The following LYN variants were observed in gnomAD, a reference collection of about 807,000 sequenced individuals.
LYN encodes tyrosine-protein kinase Lyn.
In LYN, 12 loss-of-function variants were observed where a neutral mutation model predicts 65.0. The observed-to-expected ratio is 0.18, with a 90% CI of 0.12 to 0.30. LYN has a LOEUF of 0.30. Ranked by LOEUF, LYN falls within the 10% of genes least tolerant of loss-of-function variation. LYN has a pLI of 1.00. For synonymous variants in LYN, 222 were observed against 221.2 expected, an observed-to-expected ratio of 1.00 and a Z score of -0.03; for missense variants, 380 against 623.2, an observed-to-expected ratio of 0.61 and a Z score of 4.16.
intron 1 of LYN, among the ~76,000 whole-genome samples, chr8:55,906,511 C>T (rs2130393379): frequency 6.6e-6 from 1 of 152,162 alleles, no homozygotes; most frequent in South Asian, 2.1e-4. Flanking sequence ...TGCCCACCAC[C>T]ACGCCCAGCT....
intron 7 of LYN, 95 bp from the exon 8 acceptor site, chr8:55,953,737 G>C: frequency 9.3e-7 from 1 of 1,078,722 alleles, no homozygotes; most frequent in Non-Finnish European, 1.3e-6. Flanking sequence ...CGGCAGGTTG[G>C]ACACTATAAG....
At chr8:55,977,951 G>A (rs773608708) in intron 10 of LYN, among the ~76,000 whole-genome samples, 1 of 151,970 alleles carries the variant, frequency 6.6e-6, no homozygotes, top group African/African-American at 2.4e-5. Context: ...AACAGAGCTC[G>A]TCTCTAAAGG....
intron 12 of LYN, among the ~76,000 whole-genome samples, chr8:56,002,395 G>C (rs1477331225): frequency 6.6e-6 from 1 of 151,524 alleles, no homozygotes; most frequent in Non-Finnish European, 1.5e-5. Context: ...ATCCAGCCTG[G>C]GTGACAGAGC....
intron 10 of LYN, among the ~76,000 whole-genome samples, chr8:55,979,770 A>G (rs1048064043): frequency 1.3e-5 from 2 of 152,096 alleles, no homozygotes; most frequent in Non-Finnish European, 2.9e-5. Flanking sequence ...GCTCCTTGGT[A>G]TGGTTTCTAA....
At chr8:55,972,045 C>T (rs911789465) in intron 10 of LYN, among the ~76,000 whole-genome samples, 2 of 152,150 alleles carry the variant, frequency 1.3e-5, no homozygotes, top group African/African-American at 2.4e-5. Flanking sequence ...GGTCTCCATC[C>T]AAGCCAGTTT....
At chr8:55,933,167 A>G (rs1162547751) in intron 1 of LYN, among the ~76,000 whole-genome samples, 1 of 152,266 alleles carries the variant, frequency 6.6e-6, no homozygotes, top group Non-Finnish European at 1.5e-5. Flanking sequence ...CTATGAAAGC[A>G]CCACAACTAA....
At chr8:55,966,639 A>G (rs1386477602) in intron 8 of LYN, 76 bp from the exon 9 acceptor site, 5 of 1,353,734 alleles carry the variant, frequency 3.7e-6, no homozygotes, top group Non-Finnish European at 5.1e-6. Flanking sequence ...AAGTGCTGGG[A>G]TTATAGGTGT....
At chr8:55,889,048 C>T (rs333617) in intron 1 of LYN, among the ~76,000 whole-genome samples, 1 of 151,962 alleles carries the variant, frequency 6.6e-6, no homozygotes, top group Non-Finnish European at 1.5e-5. Flanking sequence ...GATGGGGTCT[C>T]ACTCTGTCGC....
At chr8:55,925,976 A>C (rs1228535009) in intron 1 of LYN, among the ~76,000 whole-genome samples, 1 of 152,220 alleles carries the variant, frequency 6.6e-6, no homozygotes, top group Non-Finnish European at 1.5e-5. Flanking sequence ...TTATGTAATC[A>C]TAATGTATAT....
At chr8:55,978,372 G>A (rs1023415867) in intron 10 of LYN, among the ~76,000 whole-genome samples, 1 of 152,262 alleles carries the variant, frequency 6.6e-6, no homozygotes, top group African/African-American at 2.4e-5. Flanking sequence ...GAGAAGGAAT[G>A]TGCATGGGGC....
chr8:55,954,991 T>C (rs1807065101), intron 8 of LYN: 1 of 152,150 alleles, frequency 6.6e-6, no homozygotes, highest in African/African-American at 2.4e-5. Flanking sequence ...CTGGAAAGAG[T>C]AACATGTTAG....
chr8:55,908,224 T>TTTAC (rs1805486683), intron 1 of LYN, among the ~76,000 whole-genome samples: 1 of 114,320 alleles, frequency 8.7e-6, no homozygotes, highest in Non-Finnish European at 2.2e-5. Context: ...GTTTAAACCA[T>TTTAC]TTATTTATTT....
chr8:55,947,501 G>A, intron 3 of LYN, 117 bp from the exon 4 acceptor site: 1 of 726,346 alleles, frequency 1.4e-6, no homozygotes, highest in Non-Finnish European at 2.5e-6. Context: ...GGAAGCACAT[G>A]TCCTTCTTCC....
intron 10 of LYN, among the ~76,000 whole-genome samples, chr8:55,981,962 G>A (rs374915252): frequency 9.9e-5 from 15 of 152,172 alleles, no homozygotes; most frequent in African/African-American, 3.6e-4. Flanking sequence ...TAATTTGGAG[G>A]GAAAAAACCC....
intron 1 of LYN, among the ~76,000 whole-genome samples, chr8:55,927,844 A>G (rs897337293): frequency 5.0e-5 from 6 of 119,290 alleles, no homozygotes; most frequent in African/African-American, 8.0e-5. Context: ...CCAAGGGGGA[A>G]AAAAAAAAGA....
At chr8:56,002,111 T>C (rs1808529523) in intron 12 of LYN, among the ~76,000 whole-genome samples, 1 of 151,992 alleles carries the variant, frequency 6.6e-6, no homozygotes, top group South Asian at 2.1e-4. Context: ...CAAAACCCCA[T>C]CTCTACTAAA....
chr8:55,891,811 G>T (rs1804970446), intron 1 of LYN, among the ~76,000 whole-genome samples: 1 of 152,162 alleles, frequency 6.6e-6, no homozygotes, highest in South Asian at 2.1e-4. Flanking sequence ...TTGATAAATT[G>T]CCCTTCTTCT....
At chr8:55,905,626 T>C (rs904376302) in intron 1 of LYN, among the ~76,000 whole-genome samples, 1 of 152,094 alleles carries the variant, frequency 6.6e-6, no homozygotes, top group Non-Finnish European at 1.5e-5. Flanking sequence ...GTTAAGAGGA[T>C]GGATAGTTTC....
intron 1 of LYN, among the ~76,000 whole-genome samples, chr8:55,915,440 C>T (rs1418031670): frequency 6.6e-6 from 1 of 152,214 alleles, no homozygotes; most frequent in Non-Finnish European, 1.5e-5. Flanking sequence ...GGGCCTGGCT[C>T]ATGCCTGTAA....
Sources: gnomAD v4.1 joint callset for allele counts (sites outside exome capture counted in the v4.1 genomes callset) on GRCh38, gnomAD v4.1.1 for gene constraint, MANE v1.5 for transcripts, NCBI Gene and HGNC (gene_info 2026-07-23, HGNC 2026-07-21) for gene names.